IL5RA: variants seen among roughly 807,000 people sequenced by gnomAD.
IL5RA encodes interleukin-5 receptor subunit alpha.
Under a neutral mutation model 50.0 loss-of-function variants are expected in IL5RA, and 49 were observed. That is an observed-to-expected ratio of 0.98 (90% CI 0.78 to 1.24). The LOEUF is 1.24. IL5RA is among the 50% of genes most tolerant of loss of function. The pLI, the probability that IL5RA is intolerant of heterozygous loss-of-function variation, is 0.00. For missense variants in IL5RA, 600 were observed against 500.4 expected, an observed-to-expected ratio of 1.20 and a Z score of -1.90; for synonymous variants, 202 against 174.0, an observed-to-expected ratio of 1.16 and a Z score of -1.26.
At chr3:3,077,091 C>G (rs1299160342) in intron 9 of IL5RA, among the ~76,000 whole-genome samples, 1 of 152,204 alleles carries the variant, frequency 6.6e-6, no homozygotes, top group African/African-American at 2.4e-5. Flanking sequence ...TGAGATAATA[C>G]TTGTAGTGAA....
chr3:3,080,661 G>T (rs1574981552), intron 9 of IL5RA, among the ~76,000 whole-genome samples: 2 of 152,240 alleles, frequency 1.3e-5, no homozygotes, highest in African/African-American at 4.8e-5. Flanking sequence ...CTCTAGGTGG[G>T]ACTGAAGCCC....
At chr3:3,076,211 C>T (rs149039350) in intron 10 of IL5RA, among the ~76,000 whole-genome samples, 122 of 152,154 alleles carry the variant, frequency 8.0e-4, no homozygotes, top group African/African-American at 2.8e-3. Context: ...AGCCAAGGAC[C>T]GAGTGGAAGA....
At chr3:3,105,512 A>G (rs17884458) in intron 2 of IL5RA, 33,828 of 152,122 alleles carry the variant, frequency 0.22, 4,033 homozygotes, top group African/African-American at 0.3. Context: ...ATGACAGGAA[A>G]CTTCAATCTA....
intron 9 of IL5RA, among the ~76,000 whole-genome samples, chr3:3,088,985 C>A (rs777477265): frequency 2.0e-5 from 3 of 152,160 alleles, no homozygotes; most frequent in Admixed American, 6.5e-5. Context: ...ATTTGTTTCC[C>A]TCCTGGGGAA....
intron 9 of IL5RA, chr3:3,091,926 T>A (rs962127850): frequency 1.0e-5 from 10 of 998,964 alleles, no homozygotes; most frequent in Non-Finnish European, 1.2e-5. Flanking sequence ...GTGTGATAAT[T>A]ATTTCAAAAT....
chr3:3,072,771 G>T (rs2125949351), intron 11 of IL5RA, among the ~76,000 whole-genome samples: 1 of 152,304 alleles, frequency 6.6e-6, no homozygotes, highest in East Asian at 1.9e-4. Flanking sequence ...AATTAGCTGG[G>T]CGTGGTGGCG....
chr3:3,076,113 G>C (rs1189101867), intron 10 of IL5RA, among the ~76,000 whole-genome samples: 1 of 152,146 alleles, frequency 6.6e-6, no homozygotes, highest in African/African-American at 2.4e-5. Context: ...CTGGTGACTT[G>C]ATAGCTGAGG....
In IL5RA at chr3:3,066,663, A is replaced by C. The variant is rs1325168577; in HGVS notation, c.*3562T>G. The stretch of plus-strand genomic sequence containing the variant: ...TCAGGCTTCTTAATTCCACCAGCAG[A>C]TGGTCCTGACACATAGAAGTCTCAC... On this transcript the variant is annotated 3_prime_UTR_variant, in exon 12 of 12. Coordinates refer to ENST00000446632, the MANE Select transcript of IL5RA (RefSeq NM_175726.4). 3 of 152,204 alleles carry C rather than the reference A, an allele frequency of 2.0e-5. No individual in the cohort carries two copies. The highest frequency in any genetic ancestry group is 4.4e-5 in the Non-Finnish European group (3 of 68,042). 9.4% of individuals were successfully genotyped at this position (152,204 alleles called of 1,614,324 possible).
At chr3:3,079,500 G>A (rs1413265799) in intron 9 of IL5RA, among the ~76,000 whole-genome samples, 1 of 152,070 alleles carries the variant, frequency 6.6e-6, no homozygotes, top group Non-Finnish European at 1.5e-5. Context: ...GATTAGTGCC[G>A]GACAGGCAGG....
intron 9 of IL5RA, among the ~76,000 whole-genome samples, chr3:3,087,569 C>G (rs1702921277): frequency 6.6e-6 from 1 of 151,876 alleles, no homozygotes; most frequent in Admixed American, 6.6e-5. Flanking sequence ...ATAGCCACTT[C>G]TTGGCTGTTT....
chr3:3,083,042 A>G (rs1044869331), intron 9 of IL5RA, among the ~76,000 whole-genome samples: 1 of 152,216 alleles, frequency 6.6e-6, no homozygotes. Context: ...AATGGCACCA[A>G]CAGGGTTGGA....
At chr3:3,090,566 C>CTTTTTTT (rs1703046339) in intron 9 of IL5RA, among the ~76,000 whole-genome samples, 1 of 117,928 alleles carries the variant, frequency 8.5e-6, no homozygotes, top group African/African-American at 3.8e-5. Flanking sequence ...TTTTTCTTTT[C>CTTTTTTT]TTTCTTTTTT....
intron 9 of IL5RA, chr3:3,090,224 A>C (rs780643031): frequency 6.2e-7 from 1 of 1,610,216 alleles, no homozygotes; most frequent in Non-Finnish European, 8.5e-7. Flanking sequence ...TGGGGCAGGA[A>C]AGCTGGATGT....
chr3:3,091,877 A>G (rs955541472), intron 9 of IL5RA: 6 of 566,754 alleles, frequency 1.1e-5, no homozygotes, highest in African/African-American at 1.0e-4. Context: ...TGGATGAAAG[A>G]GACACAGGAT....
At chr3:3,106,580 A>G (rs866068148) in intron 2 of IL5RA, among the ~76,000 whole-genome samples, 1 of 152,170 alleles carries the variant, frequency 6.6e-6, no homozygotes. Context: ...AACGATGACG[A>G]TGACAACAAA....
intron 9 of IL5RA, among the ~76,000 whole-genome samples, chr3:3,079,044 C>A (rs1053993124): frequency 6.6e-6 from 1 of 152,064 alleles, no homozygotes; most frequent in African/African-American, 2.4e-5. Flanking sequence ...AGCTTTATTG[C>A]CCATATCTCT....
In IL5RA at chr3:3,104,895, G is replaced by A; in HGVS notation, c.82+8C>T. The A allele has an allele frequency of 6.5e-7, 1 of 1,546,448 alleles. No individual in the cohort carries two copies. The highest frequency in any genetic ancestry group is 8.9e-7 in the Non-Finnish European group (1 of 1,119,304). On this transcript the variant is annotated splice_region_variant and intron_variant, in intron 3 of 11. Transcript: ENST00000446632. ...TAAACATTATTGAATTGAATAGAAG[G>A]TCCTTACTCTTTTCATCAGGAAGTA... is the stretch of plus-strand genomic sequence containing the variant.
chr3:3,084,906 G>T (rs779017201), intron 9 of IL5RA, among the ~76,000 whole-genome samples: 1 of 152,264 alleles, frequency 6.6e-6, no homozygotes, highest in African/African-American at 2.4e-5. Flanking sequence ...CCTCCCACAA[G>T]CTGCCATCCC....
At position 3,104,903 on chromosome 3, in the gene IL5RA, T is replaced by G. The variant is rs375469095; in HGVS notation, c.82A>C (p.Ile28Leu). ...LQADLLPDEK[I>L]SLLPPVNFTI... The stretch of plus-strand genomic sequence containing the variant: ...ATTGAATTGAATAGAAGGTCCTTAC[T>G]CTTTTCATCAGGAAGTAAGTCAGCT... The change falls in exon 3 of 12, where the codon ATT (isoleucine) becomes CTT (leucine). Residue 28 changes from isoleucine to leucine, a missense_variant and splice_region_variant. By Grantham distance (5) the Ile-to-Leu change is conservative. Transcript: ENST00000446632. The G allele has an allele frequency of 1.9e-6, 3 of 1,589,642 alleles. No individual in the cohort carries two copies. The African/African-American group carries it at 4.0e-5, about 21-fold the overall frequency.
Sources: gnomAD v4.1 joint callset for allele counts (sites outside exome capture counted in the v4.1 genomes callset) on GRCh38, gnomAD v4.1.1 for gene constraint, MANE v1.5 for transcripts, NCBI Gene and HGNC (gene_info 2026-07-23, HGNC 2026-07-21) for gene names.